The following TRIO variants were observed in gnomAD, a reference collection of about 807,000 sequenced individuals.
The protein encoded by TRIO is triple functional domain protein.
Under a neutral mutation model 351.9 loss-of-function variants are expected in TRIO, and 58 were observed. The ratio of observed to expected loss-of-function variants is 0.16; its 90% CI spans 0.13 to 0.21. The LOEUF is 0.21. Among genes scored for constraint, TRIO ranks in the 10% least tolerant of loss-of-function variants. The pLI is 1.00. For synonymous variants in TRIO, 1,758 were observed against 1,595.7 expected (o/e 1.10, Z -2.42); for missense variants, 3,201 against 4,027.8 (o/e 0.79, Z 5.56).
At chr5:14,197,799 GTGCACACACAGTGGGT>G (rs1790869682) in intron 1 of TRIO, among the ~76,000 whole-genome samples, 1 of 152,178 alleles carries the variant, frequency 6.6e-6, no homozygotes, top group African/African-American at 2.4e-5. Flanking sequence ...AAGGCCAGTT[GTGCACACACAGTGGGT>G]TGCATTGCAG....
chr5:14,394,767 A>G (rs2152368654), intron 28 of TRIO, among the ~76,000 whole-genome samples: 1 of 152,364 alleles, frequency 6.6e-6, no homozygotes, highest in South Asian at 2.1e-4. Context: ...CACATTTAAG[A>G]AAACAATAGT....
At chr5:14,155,441 A>G (rs1437126406) in intron 1 of TRIO, among the ~76,000 whole-genome samples, 1 of 152,128 alleles carries the variant, frequency 6.6e-6, no homozygotes, top group African/African-American at 2.4e-5. Context: ...ACACCTTTTT[A>G]CCAATTGTCT....
intron 2 of TRIO, among the ~76,000 whole-genome samples, chr5:14,279,503 A>T (rs1026107416): frequency 6.6e-6 from 1 of 152,252 alleles, no homozygotes. Flanking sequence ...TGAAGGATCC[A>T]CTTGAGAAGG....
chr5:14,409,651 G>T (rs567253898), intron 33 of TRIO, among the ~76,000 whole-genome samples: 2 of 151,920 alleles, frequency 1.3e-5, no homozygotes, highest in Non-Finnish European at 2.9e-5. Flanking sequence ...TGGCTAACAT[G>T]GTGAAACCCC....
Position 14,487,905 on chromosome 5 carries a change from C to T in TRIO, c.7277C>T (p.Ser2426Leu). The change falls in exon 48 of 57, where the codon TCG becomes TTG. Residue 2426 changes from serine (S) to leucine (L), a missense_variant. Physicochemically the swap from Ser to Leu is moderately radical, Grantham distance 145. This residue lies in a region of TRIO where 1,089 missense variants were observed against 954.9 expected (regional missense o/e 1.14). Transcript: ENST00000344204. The part of the protein sequence containing the change: ...ESPRKGAANA[S>L]GSSPDAPAKD... ...CCCAGGAAAGGCGCCGCGAACGCCT[C>T]GGGGTCGAGCCCAGACGCCCCCGCC... 1 of 1,539,932 alleles carries T rather than the reference C, an allele frequency of 6.5e-7. No individual in the cohort carries two copies. Among genetic ancestry groups the T allele is most frequent in the Non-Finnish European group, 8.7e-7 (1 of 1,143,198 alleles).
chr5:14,429,092 A>G (rs13162840), intron 34 of TRIO, among the ~76,000 whole-genome samples: 1 of 152,184 alleles, frequency 6.6e-6, no homozygotes, highest in Admixed American at 6.5e-5. Context: ...CAGAGAGATG[A>G]TGTGTTGGGT....
intron 3 of TRIO, among the ~76,000 whole-genome samples, chr5:14,285,351 C>T (rs967322084): frequency 5.9e-5 from 9 of 151,930 alleles, no homozygotes; most frequent in Non-Finnish European, 1.0e-4. Flanking sequence ...GACTGTGAGC[C>T]GCCTTCTGAT....
chr5:14,462,622 G>T, intron 35 of TRIO, 133 bp from the exon 36 acceptor site: 1 of 1,254,486 alleles, frequency 8.0e-7, no homozygotes, highest in African/African-American at 1.5e-5. Flanking sequence ...AGTTACCATC[G>T]AGGTCGAGAA....
In TRIO at chr5:14,479,335, T is replaced by C; in HGVS notation, c.6228T>C (p.Ile2076=). The C allele has an allele frequency of 6.2e-7, 1 of 1,613,046 alleles. No individual in the cohort carries two copies. The highest frequency in any genetic ancestry group is 8.5e-7 in the Non-Finnish European group (1 of 1,179,392). The change falls in exon 42 of 57, where the codon ATT becomes ATC. Residue 2076 remains isoleucine, a synonymous_variant. Coordinates refer to ENST00000344204, the MANE Select transcript of TRIO (RefSeq NM_007118.4). ...CTGAGCACATTGTCTCAGAATACAT[T>C]GATACCTTTTTTGAGGTAAGACCTA... is the stretch of plus-strand genomic sequence containing the variant. ...PKSEHIVSEY[I]DTFFEDLKQR... is the part of the protein sequence containing the mutation.
chr5:14,481,638 T>C lies in TRIO; in HGVS notation c.6465+20T>C. 1 of 1,613,454 alleles carries C rather than the reference T, an allele frequency of 6.2e-7. No homozygotes were observed. The highest frequency in any genetic ancestry group is 8.5e-7 in the Non-Finnish European group (1 of 1,179,382). ...TTCGACGTAATGCGGCTCTTGTTTT[T>C]TAAGAGAGCTCCTCTGCCTTCATCT... On this transcript the variant is annotated intron_variant, in intron 45 of 56. Transcript: ENST00000344204.
At chr5:14,219,290 A>AC (rs1462406287) in intron 1 of TRIO, among the ~76,000 whole-genome samples, 16 of 150,816 alleles carry the variant, frequency 1.1e-4, no homozygotes, top group Admixed American at 6.6e-5. Context: ...TGTTTTCCTT[A>AC]CCCCCCGCCC....
intron 11 of TRIO, 49 bp from the exon 12 acceptor site, chr5:14,358,129 G>C (rs763819982): frequency 6.3e-7 from 1 of 1,576,562 alleles, no homozygotes; most frequent in Admixed American, 1.8e-5. Context: ...CGGCCCACCT[G>C]GTGGTGCAGC....
intron 7 of TRIO, among the ~76,000 whole-genome samples, chr5:14,300,255 G>T (rs1361004045): frequency 6.6e-6 from 1 of 152,214 alleles, no homozygotes; most frequent in Non-Finnish European, 1.5e-5. Context: ...AAAGTGACTT[G>T]ATTTTGCTAC....
rs1305370179 is a variant in TRIO at position 14,143,716 on chromosome 5, C to A, written c.-10C>A. ...CCGAGGCGGGCGCGGCCGCGGGCGC[C>A]GCCGCAGCCATGAGCGGCAGCAGCG... On this transcript the variant is annotated 5_prime_UTR_variant, in exon 1 of 57. Transcript: ENST00000344204. 1 of 975,314 alleles carries A rather than the reference C, an allele frequency of 1.0e-6. No individual in the cohort carries two copies. The highest frequency in any genetic ancestry group is 1.2e-6 in the Non-Finnish European group (1 of 824,606). The allele number at this position is 975,314 out of a possible 1,614,324, so 60.4% of individuals were successfully genotyped here. A position where few individuals can be genotyped will look rare whatever the true frequency, so the allele number is the denominator to read the frequency against.
chr5:14,483,473 A>G (rs942640585), intron 46 of TRIO, among the ~76,000 whole-genome samples: 2 of 152,162 alleles, frequency 1.3e-5, no homozygotes, highest in Non-Finnish European at 2.9e-5. Context: ...CTCCTGCCCT[A>G]CGCCATCAGG....
chr5:14,496,780 A>G (rs1370748503), intron 49 of TRIO, 99 bp from the exon 50 acceptor site: 2 of 1,487,652 alleles, frequency 1.3e-6, no homozygotes, highest in Admixed American at 2.1e-5. Context: ...CCCCCTGCAC[A>G]CACATACGTT....
intron 1 of TRIO, among the ~76,000 whole-genome samples, chr5:14,179,832 G>C (rs72742568): frequency 0.028 from 4,318 of 152,186 alleles, 75 homozygotes; most frequent in Non-Finnish European, 0.045. Context: ...TGGCTCAGGT[G>C]TGTAATCCCG....
chr5:14,270,540 T>C (rs1182451811), intron 1 of TRIO, among the ~76,000 whole-genome samples: 1 of 152,250 alleles, frequency 6.6e-6, no homozygotes, highest in Non-Finnish European at 1.5e-5. Flanking sequence ...ACTGATTTCA[T>C]ATCCTGTCTC....
At chr5:14,440,280 A>G (rs2126332972) in intron 34 of TRIO, among the ~76,000 whole-genome samples, 1 of 152,348 alleles carries the variant, frequency 6.6e-6, no homozygotes, top group East Asian at 1.9e-4. Context: ...CGAATATTCC[A>G]GGTGACTTTT....
Sources: gnomAD v4.1 joint callset for allele counts (sites outside exome capture counted in the v4.1 genomes callset) on GRCh38, gnomAD v4.1.1 for gene constraint, gnomAD v4.1.1 regional missense constraint, MANE v1.5 for transcripts, NCBI Gene and HGNC (gene_info 2026-07-23, HGNC 2026-07-21) for gene names.